PCLO: variants seen among roughly 807,000 people sequenced by gnomAD.
PCLO encodes the protein protein piccolo.
PCLO carries 82 observed loss-of-function variants against 427.5 expected under a neutral mutation model. That is an observed-to-expected ratio of 0.19 (90% CI 0.16 to 0.23). PCLO has a LOEUF of 0.23. Ranked by LOEUF, PCLO falls within the 10% of genes least tolerant of loss-of-function variation. The pLI, the probability that PCLO is intolerant of heterozygous loss-of-function variation, is 1.00. For synonymous variants in PCLO, 2,357 were observed against 2,155.4 expected (o/e 1.09, Z -2.59); for missense variants, 6,239 against 6,115.9 (o/e 1.02, Z -0.67).
At chr7:82,945,793 A>T (rs1795188650) in intron 6 of PCLO, among the ~76,000 whole-genome samples, 1 of 152,226 alleles carries the variant, frequency 6.6e-6, no homozygotes, top group Non-Finnish European at 1.5e-5. Context: ...ACAAGCAAGA[A>T]TTGAATTTTA....
At chr7:82,961,964 C>A (rs1236160843) in intron 4 of PCLO, among the ~76,000 whole-genome samples, 1 of 152,176 alleles carries the variant, frequency 6.6e-6, no homozygotes, top group Non-Finnish European at 1.5e-5. Flanking sequence ...CACACATGCA[C>A]TCACAAGAAA....
At chr7:83,138,577 C>A (rs1791786304) in intron 2 of PCLO, among the ~76,000 whole-genome samples, 3 of 151,926 alleles carry the variant, frequency 2.0e-5, no homozygotes, top group African/African-American at 4.8e-5. Context: ...TGGAGAATCG[C>A]TTAAACCTGG....
chr7:83,021,469 A>G (rs1489345829), intron 3 of PCLO, among the ~76,000 whole-genome samples: 1 of 152,202 alleles, frequency 6.6e-6, no homozygotes. Context: ...TTTAGATAAC[A>G]GAGATAAAAG....
intron 14 of PCLO, among the ~76,000 whole-genome samples, chr7:82,838,626 C>CT (rs1562810850): frequency 1.3e-5 from 2 of 151,698 alleles, no homozygotes; most frequent in African/African-American, 4.8e-5. Context: ...TGCTGGTTAT[C>CT]TTTTTTAATT....
chr7:82,837,709 G>A (rs987984066), intron 15 of PCLO, among the ~76,000 whole-genome samples: 2 of 151,816 alleles, frequency 1.3e-5, no homozygotes, highest in African/African-American at 4.8e-5. Flanking sequence ...ATATCACTTT[G>A]TGCTATTTTA....
At chr7:82,938,968 T>C (rs897974489) in intron 6 of PCLO, among the ~76,000 whole-genome samples, 1 of 152,124 alleles carries the variant, frequency 6.6e-6, no homozygotes, top group Admixed American at 6.5e-5. Flanking sequence ...AAAACGTAAA[T>C]GTAAATTAAA....
At chr7:82,875,973 G>C (rs187194398) in intron 10 of PCLO, among the ~76,000 whole-genome samples, 1 of 152,130 alleles carries the variant, frequency 6.6e-6, no homozygotes, top group Admixed American at 6.6e-5. Flanking sequence ...CAACCAAGTT[G>C]TCATTCATGT....
intron 3 of PCLO, among the ~76,000 whole-genome samples, chr7:83,003,946 A>G (rs932867687): frequency 6.6e-6 from 1 of 151,388 alleles, no homozygotes; most frequent in African/African-American, 2.4e-5. Flanking sequence ...AAAGTTTGGT[A>G]GACTTCACCC....
intron 20 of PCLO, among the ~76,000 whole-genome samples, chr7:82,810,058 T>C (rs1014953019): frequency 2.1e-4 from 32 of 151,790 alleles, no homozygotes; most frequent in South Asian, 1.9e-3. Context: ...GCCAGCACTA[T>C]TACAGACTCT....
At chr7:83,070,938 T>A (rs1176498237) in intron 3 of PCLO, among the ~76,000 whole-genome samples, 1 of 152,216 alleles carries the variant, frequency 6.6e-6, no homozygotes, top group African/African-American at 2.4e-5. Flanking sequence ...ACTCATCTCT[T>A]AAATGACTCC....
rs1409376028 is a variant in PCLO, at chr7:82,966,393, G to C, written c.3395C>G (p.Pro1132Arg). 1 of 1,613,662 alleles carries C rather than the reference G, an allele frequency of 6.2e-7. No homozygotes were observed. Among genetic ancestry groups the C allele is most frequent in the East Asian group, 2.2e-5 (1 of 44,844 alleles). The stretch of plus-strand genomic sequence containing the variant: ...AGGAACAGGCATAGGAGATGCTTTG[G>C]GTCCTGATGGTGCAGGTGGCATTTT... ...IRKMPPAPSG[P>R]KASPMPVPTE... Residue 1132 changes from proline (P) to arginine (R), a missense_variant, in exon 4 of 25, where the codon CCC becomes CGC. By Grantham distance (103) the Pro-to-Arg change is moderately radical. Transcript: ENST00000333891.
At chr7:83,086,400 C>A (rs1020578427) in intron 3 of PCLO, among the ~76,000 whole-genome samples, 2 of 152,098 alleles carry the variant, frequency 1.3e-5, no homozygotes, top group African/African-American at 4.8e-5. Flanking sequence ...TGAGCCACTG[C>A]ACCTGGCTGA....
chr7:83,058,704 G>A (rs1239381126), intron 3 of PCLO, among the ~76,000 whole-genome samples: 1 of 152,002 alleles, frequency 6.6e-6, no homozygotes, highest in Non-Finnish European at 1.5e-5. Flanking sequence ...GAGAGATGGG[G>A]GAAGGGGATT....
intron 3 of PCLO, among the ~76,000 whole-genome samples, chr7:83,038,042 T>TATATATA (rs1788860506): frequency 2.0e-5 from 1 of 49,588 alleles, no homozygotes; most frequent in African/African-American, 1.6e-4. Context: ...TATATATTTA[T>TATATATA]ATATATATCT....
chr7:82,833,726 CA>C (rs34043292), intron 16 of PCLO, among the ~76,000 whole-genome samples: 56,370 of 151,714 alleles, frequency 0.37, 12,064 homozygotes, highest in East Asian at 0.7. Flanking sequence ...CCACTGGTCG[CA>C]AAAAAATGTA....
At chr7:83,026,423 C>T (rs937318866) in intron 3 of PCLO, among the ~76,000 whole-genome samples, 2 of 152,122 alleles carry the variant, frequency 1.3e-5, no homozygotes, top group Non-Finnish European at 2.9e-5. Context: ...AATATATATG[C>T]ACCCAATACA....
chr7:82,951,672 G>C (rs1795352964), intron 5 of PCLO, among the ~76,000 whole-genome samples, 182 bp from the exon 6 acceptor site: 1 of 151,966 alleles, frequency 6.6e-6, no homozygotes, highest in African/African-American at 2.4e-5. Context: ...ATTTTGAGCA[G>C]AACAAATTTT....
Position 82,879,250 on chromosome 7 carries a change from A to G in PCLO, c.13654+87T>C. 6.8e-6 allele frequency: 8 copies of G among 1,178,856 alleles called. No homozygotes were observed. The South Asian group carries it at 8.5e-5, about 13-fold the overall frequency. 73.0% of individuals were successfully genotyped at this position (1,178,856 alleles called of 1,614,324 possible). ...AGGAGAGAGGTTTACCTACACAGAG[A>G]AGGATGAGAACATTTGCATATTAAA... On this transcript the variant is annotated intron_variant, in intron 10 of 24. Coordinates refer to ENST00000333891, the MANE Select transcript of PCLO (RefSeq NM_033026.6).
At chr7:83,026,453 A>G (rs895935134) in intron 3 of PCLO, among the ~76,000 whole-genome samples, 1 of 152,190 alleles carries the variant, frequency 6.6e-6, no homozygotes, top group African/African-American at 2.4e-5. Flanking sequence ...AGATTCATAA[A>G]GCAAGTCCTG....
Sources: gnomAD v4.1 joint callset for allele counts (sites outside exome capture counted in the v4.1 genomes callset) on GRCh38, gnomAD v4.1.1 for gene constraint, MANE v1.5 for transcripts, NCBI Gene and HGNC (gene_info 2026-07-23, HGNC 2026-07-21) for gene names.